Variants in CNTN5 observed in about 807,000 individuals in gnomAD.
CNTN5 encodes the protein contactin 5, also known as contactin-5.
Under a neutral mutation model 129.1 loss-of-function variants are expected in CNTN5, and 77 were observed. The ratio of observed to expected loss-of-function variants is 0.60; its 90% CI spans 0.50 to 0.72. CNTN5 has a LOEUF of 0.72. CNTN5 is among the 30% of genes least tolerant of loss of function. CNTN5 has a pLI of 0.00. For missense variants in CNTN5, 1,478 were observed against 1,328.8 expected (o/e 1.11, Z -1.75); for synonymous variants, 509 against 465.6 (o/e 1.09, Z -1.20).
In CNTN5 at chr11:100,340,595, G is replaced by T; in HGVS notation, c.2863G>T (p.Gly955Ter). The T allele has an allele frequency of 6.2e-7, 1 of 1,613,350 alleles. No homozygotes were observed. Among genetic ancestry groups the T allele is most frequent in the Non-Finnish European group, 8.5e-7 (1 of 1,179,584 alleles). ...LYHFTVRAYN[G>*]AGYGPPSSEV... ...TCACTTCACAGTGAGGGCTTACAAT[G>T]GAGCTGGATATGGGCCACCTAGCAG... Residue 955 changes from glycine to a stop codon, truncating the protein, a stop_gained, in exon 22 of 25, where the codon GGA (glycine) becomes TGA (stop). Transcript: ENST00000524871. LOFTEE classifies it high-confidence loss of function.
intron 15 of CNTN5, among the ~76,000 whole-genome samples, chr11:100,208,283 G>A (rs1238720961): frequency 1.3e-5 from 2 of 152,086 alleles, no homozygotes; most frequent in African/African-American, 4.8e-5. Context: ...ATGTGGGTTG[G>A]GCTCAGCCAG....
chr11:100,203,946 A>G (rs974809081), intron 15 of CNTN5, among the ~76,000 whole-genome samples: 1 of 151,744 alleles, frequency 6.6e-6, no homozygotes, highest in South Asian at 2.1e-4. Flanking sequence ...ATGTTCTCAC[A>G]TGCTGACCCA....
chr11:99,877,554 CA>C (rs1948665691), intron 6 of CNTN5, among the ~76,000 whole-genome samples: 1 of 152,096 alleles, frequency 6.6e-6, no homozygotes, highest in South Asian at 2.1e-4. Flanking sequence ...TCTGCATTTC[CA>C]ATCAACCATT....
rs570141675 is a variant in CNTN5 at position 99,143,380 on chromosome 11, A to ATATT, written c.-210+122112_-210+122113insTTTA. ...AAATATATTTTATAAAATTACATATATAAAATATACTGTAAATATTAAATA... is the reference window on the plus strand; with the variant it reads ...AAATATATTTTATAAAATTACATATATATTTAAAATATACTGTAAATATTAAATA... On this transcript the variant is annotated intron_variant, in intron 1 of 24. Coordinates refer to ENST00000524871, the MANE Select transcript of CNTN5 (RefSeq NM_014361.4). Among the ~76,000 whole-genome samples, 1,172 of 148,678 alleles carry ATATT rather than the reference A, an allele frequency of 7.9e-3. 19 individuals are homozygous for ATATT. Among genetic ancestry groups the ATATT allele is most frequent in the African/African-American group, 0.026 (1,081 of 40,940 alleles).
chr11:99,984,161 C>T (rs1443619933), intron 8 of CNTN5, among the ~76,000 whole-genome samples: 1 of 152,024 alleles, frequency 6.6e-6, no homozygotes, highest in African/African-American at 2.4e-5. Flanking sequence ...CCTGTAGTCC[C>T]AGCTACTTGG....
chr11:100,131,877 G>C (rs1258311638), intron 13 of CNTN5, among the ~76,000 whole-genome samples: 2 of 152,074 alleles, frequency 1.3e-5, no homozygotes, highest in East Asian at 3.9e-4. Context: ...GGCCATGATA[G>C]AAGCATGTAC....
At chr11:99,976,695 G>A (rs567702677) in intron 8 of CNTN5, among the ~76,000 whole-genome samples, 3 of 152,286 alleles carry the variant, frequency 2.0e-5, no homozygotes, top group Middle Eastern at 3.4e-3. Flanking sequence ...GCCATGTCCC[G>A]AGGCTGCACA....
intron 13 of CNTN5, among the ~76,000 whole-genome samples, chr11:100,170,509 A>G (rs367950262): frequency 2.6e-5 from 4 of 151,890 alleles, no homozygotes; most frequent in African/African-American, 7.2e-5. Flanking sequence ...TTCCTCATAT[A>G]CTCTAGTCAA....
chr11:100,006,704 G>A (rs1940215933), intron 9 of CNTN5, among the ~76,000 whole-genome samples: 1 of 152,096 alleles, frequency 6.6e-6, no homozygotes, highest in Middle Eastern at 3.2e-3. Flanking sequence ...ATGAGGGTTA[G>A]AACCACTTCT....
chr11:99,308,452 A>G (rs948081608), intron 1 of CNTN5, among the ~76,000 whole-genome samples: 13 of 152,184 alleles, frequency 8.5e-5, no homozygotes, highest in African/African-American at 3.1e-4. Flanking sequence ...TGAGAGCCTG[A>G]AATTTTTATA....
intron 1 of CNTN5, among the ~76,000 whole-genome samples, chr11:99,211,973 T>C (rs1859819040): frequency 6.6e-6 from 1 of 152,206 alleles, no homozygotes; most frequent in Non-Finnish European, 1.5e-5. Context: ...TTAAATGTGT[T>C]ACAAAAAAAT....
intron 18 of CNTN5, among the ~76,000 whole-genome samples, chr11:100,274,877 A>G (rs1361193060): frequency 6.6e-6 from 1 of 152,240 alleles, no homozygotes; most frequent in Non-Finnish European, 1.5e-5. Flanking sequence ...CGATACTCCC[A>G]TTACTGGGTA....
chr11:100,232,160 C>A (rs1259571737), intron 16 of CNTN5, among the ~76,000 whole-genome samples: 1 of 151,444 alleles, frequency 6.6e-6, no homozygotes, highest in African/African-American at 2.4e-5. Context: ...TCAAAAAAAA[C>A]AAAAAACAAA....
intron 2 of CNTN5, among the ~76,000 whole-genome samples, chr11:99,483,237 C>T (rs1591139238): frequency 1.4e-5 from 2 of 144,954 alleles, no homozygotes; most frequent in East Asian, 4.2e-4. Context: ...GTAAAGTGCA[C>T]TTGGAAGAGG....
intron 21 of CNTN5, among the ~76,000 whole-genome samples, chr11:100,329,544 G>A (rs1228240): frequency 0.73 from 111,375 of 152,066 alleles, 42,396 homozygotes; most frequent in East Asian, 0.97. Context: ...CTAAACAAAA[G>A]CACAACCAAG....
At chr11:99,800,454 ATTAGGTCCAT>A (rs552430514) in intron 3 of CNTN5, among the ~76,000 whole-genome samples, 2 of 152,234 alleles carry the variant, frequency 1.3e-5, no homozygotes, top group East Asian at 3.9e-4. Context: ...GTAGATGTCA[ATTAGGTCCAT>A]TTGTTCAACT....
intron 2 of CNTN5, among the ~76,000 whole-genome samples, chr11:99,388,116 T>C (rs1565541260): frequency 6.6e-6 from 1 of 152,120 alleles, no homozygotes. Flanking sequence ...GGTTTGGTTT[T>C]TTGAAAGATG....
chr11:100,307,274 A>G (rs1338111142), intron 20 of CNTN5, among the ~76,000 whole-genome samples: 1 of 151,718 alleles, frequency 6.6e-6, no homozygotes, highest in Non-Finnish European at 1.5e-5. Flanking sequence ...AACTCTAATC[A>G]GTGATAAAGG....
chr11:99,412,438 G>C (rs903719137), intron 2 of CNTN5, among the ~76,000 whole-genome samples: 2 of 152,062 alleles, frequency 1.3e-5, no homozygotes, highest in African/African-American at 4.8e-5. Context: ...AATTGGGAAG[G>C]CTGTTCAAAC....
Sources: gnomAD v4.1 joint callset for allele counts (sites outside exome capture counted in the v4.1 genomes callset) on GRCh38, gnomAD v4.1.1 for gene constraint, MANE v1.5 for transcripts, NCBI Gene and HGNC (gene_info 2026-07-23, HGNC 2026-07-21) for gene names.